The following SVOPL variants were observed in gnomAD, a reference collection of about 807,000 sequenced individuals.
SVOPL encodes putative transporter SVOPL.
Under a neutral mutation model 61.0 loss-of-function variants are expected in SVOPL, and 60 were observed. That is an observed-to-expected ratio of 0.98 (90% confidence interval 0.80 to 1.22). The LOEUF is 1.22. Ranked by LOEUF, SVOPL falls within the 50% of genes most tolerant of loss-of-function variation. The probability of loss-of-function intolerance (pLI) is 0.00; values close to 1 mark genes in which losing one functional copy is unlikely to be tolerated. For missense variants in SVOPL, 662 were observed against 643.9 expected (o/e 1.03, Z -0.30); for synonymous variants, 279 against 250.0 (o/e 1.12, Z -1.09).
chr7:138,679,559 G>A (rs12540630), intron 1 of SVOPL, among the ~76,000 whole-genome samples: 3 of 152,014 alleles, frequency 2.0e-5, no homozygotes, highest in South Asian at 4.2e-4. Flanking sequence ...AGGCGTGAAC[G>A]ACTGTGCCCA....
At chr7:138,612,429 T>TAAAAAAAAAAAAAAAA (rs1799084478) in intron 14 of SVOPL, among the ~76,000 whole-genome samples, 1 of 78,076 alleles carries the variant, frequency 1.3e-5, no homozygotes, top group Non-Finnish European at 2.6e-5. Flanking sequence ...AAAAATAAAA[T>TAAAAAAAAAAAAAAAA]AAAAAATAAA....
At chr7:138,654,983 G>C (rs1446473500) in intron 7 of SVOPL, among the ~76,000 whole-genome samples, 4 of 151,440 alleles carry the variant, frequency 2.6e-5, no homozygotes, top group Non-Finnish European at 5.9e-5. Context: ...TTGAGCTTAG[G>C]AGTTCGAGAC....
At chr7:138,663,256 T>C in intron 4 of SVOPL, 111 bp from the exon 5 acceptor site, 4 of 1,527,280 alleles carry the variant, frequency 2.6e-6, no homozygotes, top group Non-Finnish European at 3.5e-6. Flanking sequence ...GGATGGAAGT[T>C]AATTTAAAGA....
chr7:138,597,327 A>G (rs1413934305), intron 14 of SVOPL: 20 of 918,074 alleles, frequency 2.2e-5, no homozygotes, highest in Admixed American at 2.7e-5. Context: ...TTCCCTTTAC[A>G]GATGAGCCTA....
rs377766025 is a variant in SVOPL at position 138,625,990 on chromosome 7, G to C, written c.1242C>G (p.Thr414=). ...LRALVAANFN[T]VYIYTAEVYP... is the part of the protein sequence containing the mutation. ...TCACCTCAGCTGTGTAAATGTAGAC[G>C]GTGTTGAAGTTTGCAGCTACCAGAG... Residue 414 remains threonine, a synonymous_variant, in exon 13 of 16, where the codon ACC becomes ACG. Transcript: ENST00000674285. 1.2e-6 allele frequency: 2 copies of C among 1,614,082 alleles called. No individual in the cohort carries two copies. Among genetic ancestry groups the C allele is most frequent in the Non-Finnish European group, 1.7e-6 (2 of 1,180,006 alleles).
intron 14 of SVOPL, 53 bp from the exon 15 acceptor site, chr7:138,596,583 C>A: frequency 6.3e-7 from 1 of 1,589,340 alleles, no homozygotes; most frequent in Non-Finnish European, 8.6e-7. Context: ...TACCTCTAAA[C>A]TGTTCTTTAT....
chr7:138,675,244 GAAAA>G (rs72148829), intron 3 of SVOPL, among the ~76,000 whole-genome samples: 11,420 of 149,000 alleles, frequency 0.077, 621 homozygotes, highest in Middle Eastern at 0.27. Context: ...CAAAAAAAAA[GAAAA>G]AAGAAAAAAA....
intron 14 of SVOPL, among the ~76,000 whole-genome samples, chr7:138,614,696 G>A (rs777576735): frequency 6.6e-6 from 1 of 151,992 alleles, no homozygotes; most frequent in African/African-American, 2.4e-5. Context: ...ACGCCCGGCT[G>A]GCATTTGAAC....
At chr7:138,696,503 A>G (rs919525840) in intron 1 of SVOPL, among the ~76,000 whole-genome samples, 3 of 151,510 alleles carry the variant, frequency 2.0e-5, no homozygotes, top group Non-Finnish European at 2.9e-5. Context: ...GCTCACTGCA[A>G]CCTCTGCCTC....
At chr7:138,660,577 A>C in intron 5 of SVOPL, 1 of 985,482 alleles carries the variant, frequency 1.0e-6, no homozygotes, top group Non-Finnish European at 1.2e-6. Context: ...AATACATAAG[A>C]CCTTGCTCTA....
intron 9 of SVOPL, among the ~76,000 whole-genome samples, chr7:138,631,702 G>A (rs1800199658): frequency 6.6e-6 from 1 of 152,116 alleles, no homozygotes; most frequent in Admixed American, 6.6e-5. Context: ...CCGAGTAGCT[G>A]GGAGTACAGG....
At position 138,594,436 on chromosome 7, in the gene SVOPL, G is replaced by T; in HGVS notation, c.*174C>A. The T allele has an allele frequency of 2.4e-6, 1 of 422,188 alleles. No homozygotes were observed. The allele number at this position is 422,188 out of a possible 1,614,324, so 26.2% of individuals were successfully genotyped here. A position where few individuals can be genotyped will look rare whatever the true frequency, so the allele number is the denominator to read the frequency against. ...AGTACTTTATATATTGTTCCTCAAG[G>T]AAGAGATCAATATACAGTTACCTAC... is the stretch of plus-strand genomic sequence containing the variant. On this transcript the variant is annotated 3_prime_UTR_variant, in exon 16 of 16. Coordinates refer to ENST00000674285, the MANE Select transcript of SVOPL (RefSeq NM_001139456.2).
intron 14 of SVOPL, among the ~76,000 whole-genome samples, chr7:138,598,774 T>C (rs1798384207): frequency 6.6e-6 from 1 of 152,012 alleles, no homozygotes; most frequent in Non-Finnish European, 1.5e-5. Context: ...ACACAACTAA[T>C]AGGAACAAAA....
chr7:138,686,400 C>T (rs897972060), intron 1 of SVOPL, among the ~76,000 whole-genome samples: 11 of 123,944 alleles, frequency 8.9e-5, no homozygotes, highest in African/African-American at 1.7e-4. Flanking sequence ...AGTGAGACTC[C>T]GCCTCAAAAA....
At chr7:138,678,610 T>C in intron 2 of SVOPL, 85 bp from the exon 3 acceptor site, 3 of 1,363,042 alleles carry the variant, frequency 2.2e-6, no homozygotes, top group Non-Finnish European at 3.0e-6. Flanking sequence ...AGCCAACCCA[T>C]TATTATAAAA....
intron 5 of SVOPL, chr7:138,661,355 C>T: frequency 1.0e-6 from 1 of 985,402 alleles, no homozygotes; most frequent in Non-Finnish European, 1.2e-6. Context: ...CAAATGTCCA[C>T]ACTCTAATAT....
At chr7:138,667,069 C>G (rs1438466454) in intron 4 of SVOPL, among the ~76,000 whole-genome samples, 2 of 152,094 alleles carry the variant, frequency 1.3e-5, no homozygotes, top group African/African-American at 4.8e-5. Context: ...AAAAAGGAAC[C>G]AGGGCTCCAA....
At chr7:138,699,857 C>T (rs1674790288) in intron 1 of SVOPL, among the ~76,000 whole-genome samples, 1 of 152,162 alleles carries the variant, frequency 6.6e-6, no homozygotes, top group African/African-American at 2.4e-5. Context: ...AATGCATAGC[C>T]CTTGAAGATA....
chr7:138,666,230 G>A (rs1802257164), intron 4 of SVOPL, among the ~76,000 whole-genome samples: 1 of 152,222 alleles, frequency 6.6e-6, no homozygotes. Context: ...CCATGGCACA[G>A]GAATTCCCAG....
Sources: allele counts gnomAD v4.1 joint callset (sites outside exome capture counted in the v4.1 genomes callset), GRCh38; gene constraint gnomAD v4.1.1; transcripts MANE v1.5; gene names NCBI Gene and HGNC (gene_info 2026-07-23, HGNC 2026-07-21).